PCDHGB4: variants seen among roughly 807,000 people sequenced by gnomAD.
PCDHGB4 encodes the protein protocadherin gamma subfamily B, 4.
PCDHGB4 carries 38 observed loss-of-function variants against 60.5 expected under a neutral mutation model. The observed-to-expected ratio is 0.63, with a 90% confidence interval of 0.48 to 0.82. The LOEUF (loss-of-function observed/expected upper bound fraction) is 0.82, where lower values mean the gene tolerates loss of function less well. PCDHGB4 is among the 40% of genes least tolerant of loss of function. PCDHGB4 has a pLI of 0.00. For synonymous variants in PCDHGB4, 456 were observed against 509.7 expected (o/e 0.89, Z 1.42); for missense variants, 1,109 against 1,209.6 (o/e 0.92, Z 1.23).
Position 141,477,140 on chromosome 5 carries a change from G to GT in PCDHGB4, c.2398-17665dup. ...AGCACATTGCAAAGTGTTGGTGGAG[G>GT]TTGTGGATGTGAATGACAACGCCCC... On this transcript the variant is annotated intron_variant, in intron 1 of 3. Transcript: ENST00000519479. The surrounding 1 kb of genome is among the most constrained non-coding windows in gnomAD (Gnocchi z 4.9). 1 of 1,614,220 alleles carries GT rather than the reference G, an allele frequency of 6.2e-7. No homozygotes were observed. Among genetic ancestry groups the GT allele is most frequent in the Non-Finnish European group, 8.5e-7 (1 of 1,180,048 alleles).
chr5:141,413,812 C>G (rs761118146), intron 1 of PCDHGB4: 3 of 1,613,144 alleles, frequency 1.9e-6, no homozygotes, highest in Non-Finnish European at 1.7e-6. Context: ...GGCCATTCAC[C>G]ACCTGGTCCT....
chr5:141,409,670 T>C lies in PCDHGB4; in HGVS notation c.2397+19389T>C, dbSNP rs2095300697. 1.9e-6 allele frequency: 3 copies of C among 1,613,486 alleles called. No homozygotes were observed. In the East Asian group the frequency reaches 6.7e-5, roughly 36 times the overall value. ...GGGGCTCAATGGCCACATCTCCTACTCTATAGTGGCGAGTGACCTAGAGCC... is the reference window on the plus strand; with the variant it reads ...GGGGCTCAATGGCCACATCTCCTACCCTATAGTGGCGAGTGACCTAGAGCC... On this transcript the variant is annotated intron_variant, in intron 1 of 3. Transcript: ENST00000519479.
At chr5:141,497,553 T>C (rs2099777684) in intron 2 of PCDHGB4, among the ~76,000 whole-genome samples, 1 of 151,326 alleles carries the variant, frequency 6.6e-6, no homozygotes, top group South Asian at 2.1e-4. Context: ...TTTTTTTTTT[T>C]TTTTTAGACA....
intron 1 of PCDHGB4, chr5:141,417,858 C>A (rs561149517): frequency 1.3e-6 from 2 of 1,547,240 alleles, no homozygotes; most frequent in African/African-American, 1.4e-5. Context: ...CCCGAGCGAA[C>A]GATGGGAGGG....
chr5:141,413,842 G>C, intron 1 of PCDHGB4: 1 of 1,613,294 alleles, frequency 6.2e-7, no homozygotes, highest in Non-Finnish European at 8.5e-7. Flanking sequence ...CGACGGGGGT[G>C]ACCCTCTCCG....
intron 1 of PCDHGB4, chr5:141,441,824 G>A (rs1561905347): frequency 5.6e-6 from 2 of 356,750 alleles, no homozygotes; most frequent in South Asian, 4.7e-5. Flanking sequence ...GCTCTGGAGC[G>A]CAATGGCTTC....
At position 141,415,363 on chromosome 5, in the gene PCDHGB4, C is replaced by T. The variant is rs62378454; in HGVS notation, c.2397+25082C>T. 7,186 of 1,614,240 alleles carry T rather than the reference C, an allele frequency of 4.5e-3. 30 individuals carry two copies. Among genetic ancestry groups the T allele is most frequent in the South Asian group, 5.6e-3 (509 of 91,092 alleles). Reference sequence around the variant, plus strand: ...GCGCTGGCACAAGTCACGCCTGCTGCAGGCTTCAGGAGGCGGCTTGACAGG... The same window carrying T: ...GCGCTGGCACAAGTCACGCCTGCTGTAGGCTTCAGGAGGCGGCTTGACAGG... On this transcript the variant is annotated intron_variant, in intron 1 of 3. Transcript: ENST00000519479.
chr5:141,447,854 G>A (rs1480134238), intron 1 of PCDHGB4, among the ~76,000 whole-genome samples: 1 of 152,200 alleles, frequency 6.6e-6, no homozygotes, highest in Non-Finnish European at 1.5e-5. Flanking sequence ...GGGAGGCCGA[G>A]GTGGGTGAAT....
chr5:141,397,972 G>A lies in PCDHGB4; in HGVS notation c.2397+7691G>A. 2.6e-6 allele frequency: 3 copies of A among 1,155,562 alleles called. No homozygotes were observed. In the South Asian group the frequency reaches 4.9e-5, roughly 19 times the overall value. The allele number at this position is 1,155,562 out of a possible 1,614,324, so 71.6% of individuals were successfully genotyped here. A position where few individuals can be genotyped will look rare whatever the true frequency, so the allele number is the denominator to read the frequency against. On this transcript the variant is annotated intron_variant, in intron 1 of 3. Transcript: ENST00000519479. ...GCAGCCCCAGCTCAGACTCCCCAGC[G>A]CCGGCCTTTACACCGCTTCCTCCTC...
chr5:141,405,376 G>A lies in PCDHGB4; in HGVS notation c.2397+15095G>A, dbSNP rs567557596. On this transcript the variant is annotated intron_variant, in intron 1 of 3. Coordinates refer to ENST00000519479, the MANE Select transcript of PCDHGB4 (RefSeq NM_003736.4). The stretch of plus-strand genomic sequence containing the variant: ...CTATAGAAGACACCCCTTTGGTTCC[G>A]GTGAGTTCATTTTTTTTCTTTCTTT... The A allele has an allele frequency of 4.3e-4, 696 of 1,602,156 alleles. 3 individuals carry two copies. In the South Asian group the frequency reaches 6.8e-3, roughly 16 times the overall value.
rs200045647 is a variant in PCDHGB4, at chr5:141,490,150, G to A, written c.2398-4657G>A. 50 of 1,614,246 alleles carry A rather than the reference G, an allele frequency of 3.1e-5. No individual in the cohort carries two copies. The Admixed American group carries it at 7.7e-4, about 25-fold the overall frequency. On this transcript the variant is annotated intron_variant, in intron 1 of 3. Transcript: ENST00000519479. The surrounding 1 kb of genome is among the most constrained non-coding windows in gnomAD (Gnocchi z 5.4). ...AGACCCTAGCAGTGGGGCAATCCAT[G>A]TGTTGGGTCCCATAGACTTTGAGGA...
At chr5:141,401,478 T>A (rs2094159554) in intron 1 of PCDHGB4, among the ~76,000 whole-genome samples, 1 of 152,186 alleles carries the variant, frequency 6.6e-6, no homozygotes. Flanking sequence ...TTTATCCAGG[T>A]TTTCTTGGAT....
In PCDHGB4 at chr5:141,431,931, C is replaced by T. The variant is rs2097430107; in HGVS notation, c.2397+41650C>T. ...ATCTGTTTCATCCAAGGAAATCTGCCCTTTAAATTAGAAAAATCTTACGGA... is the reference window on the plus strand; with the variant it reads ...ATCTGTTTCATCCAAGGAAATCTGCTCTTTAAATTAGAAAAATCTTACGGA... On this transcript the variant is annotated intron_variant, in intron 1 of 3. Transcript: ENST00000519479. This position sits in a 1 kb window ranked among gnomAD's most constrained non-coding sequence, Gnocchi z 4.8. The T allele has an allele frequency of 6.2e-7, 1 of 1,613,924 alleles. No homozygotes were observed. Among genetic ancestry groups the T allele is most frequent in the Admixed American group, 1.7e-5 (1 of 59,986 alleles).
rs1207371456 is a variant in PCDHGB4 at position 141,487,371 on chromosome 5, G to A, written c.2398-7436G>A. On this transcript the variant is annotated intron_variant, in intron 1 of 3. Transcript: ENST00000519479. The surrounding 1 kb of genome is among the most constrained non-coding windows in gnomAD (Gnocchi z 5.0). ...TGCTTTCCTGCTGGCACCTGTGCCT[G>A]TCTCACCAGATCTCGAAGGAGGGAG... The A allele has an allele frequency of 4.3e-6, 7 of 1,614,076 alleles. No individual in the cohort carries two copies. In the Admixed American group the frequency reaches 5.0e-5, roughly 12 times the overall value.
At position 141,388,340 on chromosome 5, in the gene PCDHGB4, T is replaced by C; in HGVS notation, c.456T>C (p.Phe152=). 6.2e-7 allele frequency: 1 copy of C among 1,613,994 alleles called. No homozygotes were observed. Among genetic ancestry groups the C allele is most frequent in the South Asian group, 1.1e-5 (1 of 91,074 alleles). The change falls in exon 1 of 4, where the codon TTT becomes TTC. Residue 152 remains phenylalanine (F), a synonymous_variant. Transcript: ENST00000519479. ...ISESAQPGTR[F]ILGSAHDADI... ...AGTCTGCACAGCCTGGCACACGATT[T>C]ATATTAGGATCTGCCCATGATGCGG... is the stretch of plus-strand genomic sequence containing the variant.
Position 141,505,424 on chromosome 5 carries a change from C to T in PCDHGB4, c.2488C>T (p.Pro830Ser), listed in dbSNP as rs1422538114. The T allele has an allele frequency of 1.2e-6, 2 of 1,614,200 alleles. No individual in the cohort carries two copies. Among genetic ancestry groups the T allele is most frequent in the Non-Finnish European group, 1.7e-6 (2 of 1,180,028 alleles). Residue 830 changes from proline (P) to serine (S), a missense_variant, in exon 3 of 4, where the codon CCC (proline) becomes TCC (serine). Pro to Ser is a moderately conservative substitution (Grantham distance 74). Transcript: ENST00000519479. ...AAATGGCGATGACACCGGCACCTGG[C>T]CCAACAACCAGTTTGACACAGAGAT... is the stretch of plus-strand genomic sequence containing the variant. ...SQNGDDTGTW[P>S]NNQFDTEMLQ...
intron 1 of PCDHGB4, chr5:141,478,260 T>C (rs1340624663): frequency 6.2e-7 from 1 of 1,614,182 alleles, no homozygotes; most frequent in East Asian, 2.2e-5. Context: ...GTAATCATAT[T>C]CAAAGTTTAC....
At chr5:141,466,624 G>C (rs1279938026) in intron 1 of PCDHGB4, among the ~76,000 whole-genome samples, 1 of 152,038 alleles carries the variant, frequency 6.6e-6, no homozygotes, top group Non-Finnish European at 1.5e-5. Context: ...GTTTTCTTTG[G>C]AGCATTGTCT....
At chr5:141,509,908 G>A (rs376035312) in intron 3 of PCDHGB4, among the ~76,000 whole-genome samples, 1 of 152,164 alleles carries the variant, frequency 6.6e-6, no homozygotes, top group African/African-American at 2.4e-5. Flanking sequence ...TCCAGCATGC[G>A]CTTAGGTACA....
Sources: gnomAD v4.1 joint callset for allele counts (sites outside exome capture counted in the v4.1 genomes callset) on GRCh38, gnomAD v4.1.1 for gene constraint, Gnocchi (gnomAD v3.1) non-coding constraint, MANE v1.5 for transcripts, NCBI Gene and HGNC (gene_info 2026-07-23, HGNC 2026-07-21) for gene names.